The following ZNF844 variants were observed in gnomAD, a reference collection of about 807,000 sequenced individuals.
ZNF844 encodes the protein zinc finger protein 844.
A neutral mutation model predicts 11.4 loss-of-function variants in ZNF844; 11 were observed. The observed-to-expected ratio is 0.97, with a 90% CI of 0.61 to 1.60. The LOEUF is 1.60. ZNF844 is among the 40% of genes most tolerant of loss of function. The pLI is 0.00. For synonymous variants in ZNF844, 248 were observed against 260.3 expected (o/e 0.95, Z 0.46); for missense variants, 790 against 796.8 (o/e 0.99, Z 0.10).
Position 12,078,478 on chromosome 19 carries a change from A to G in ZNF844, c.*1357A>G, listed in dbSNP as rs547661115. The stretch of plus-strand genomic sequence containing the variant: ...AGCCATAATAAAATATCTCAGTGCC[A>G]TCATGCATTAGATCAAGTTTATGTT... On this transcript the variant is annotated 3_prime_UTR_variant, in exon 4 of 4. Transcript: ENST00000439326. 2.6e-5 allele frequency: 4 copies of G among 152,196 alleles called. No individual in the cohort carries two copies. Among genetic ancestry groups the G allele is most frequent in the Non-Finnish European group, 4.4e-5 (3 of 68,042 alleles). 9.4% of individuals were successfully genotyped at this position (152,196 alleles called of 1,614,324 possible).
In ZNF844 at chr19:12,064,977, C is replaced by G. The variant is rs1026026279; in HGVS notation, c.3+101C>G. 21 of 1,336,922 alleles carry G rather than the reference C, an allele frequency of 1.6e-5. No individual in the cohort carries two copies. The African/African-American group carries it at 2.7e-4, about 17-fold the overall frequency. 82.8% of individuals were successfully genotyped at this position (1,336,922 alleles called of 1,614,324 possible). A position where few individuals can be genotyped will look rare whatever the true frequency, so the allele number is the denominator to read the frequency against. ...CGGCTGTGCCGGGACCCGGACCTCC[C>G]CGCGGCGACTCGAGGTCTGGGGCCC... is the stretch of plus-strand genomic sequence containing the variant. On this transcript the variant is annotated intron_variant, in intron 1 of 3. Coordinates refer to ENST00000439326, the MANE Select transcript of ZNF844 (RefSeq NM_001136501.3).
intron 1 of ZNF844, 64 bp from the exon 2 acceptor site, chr19:12,073,967 A>AG (rs1975778677): frequency 1.9e-6 from 3 of 1,541,054 alleles, no homozygotes; most frequent in Non-Finnish European, 2.6e-6. Context: ...TCTTAGGAAG[A>AG]GGGTATAGAC....
chr19:12,075,420 A>C lies in ZNF844; in HGVS notation c.300A>C (p.Val100=). ...TGAACAAAAAAACTTCTCCTGGAGTAAAATCATGTGAAAGCAGTGTGTGTG... is the reference window on the plus strand; with the variant it reads ...TGAACAAAAAAACTTCTCCTGGAGTCAAATCATGTGAAAGCAGTGTGTGTG... ...DTLNKKTSPG[V]KSCESSVCGE... is the part of the protein sequence containing the mutation. The change falls in exon 4 of 4, where the codon GTA becomes GTC. Residue 100 remains valine (V), a synonymous_variant. Coordinates refer to ENST00000439326, the MANE Select transcript of ZNF844 (RefSeq NM_001136501.3). The C allele has an allele frequency of 6.2e-7, 1 of 1,608,598 alleles. No individual in the cohort carries two copies. The highest frequency in any genetic ancestry group is 8.5e-7 in the Non-Finnish European group (1 of 1,177,912).
At position 12,077,880 on chromosome 19, in the gene ZNF844, G is replaced by A. The variant is rs1005545632; in HGVS notation, c.*759G>A. ...GTCTCGCTCTGTCACCCAGGCTGGA[G>A]TGCAGTGGCGTGATCTCAGCTCACT... On this transcript the variant is annotated 3_prime_UTR_variant, in exon 4 of 4. Coordinates refer to ENST00000439326, the MANE Select transcript of ZNF844 (RefSeq NM_001136501.3). 1.1e-5 allele frequency: 3 copies of A among 262,754 alleles called. No homozygotes were observed. In the Admixed American group the frequency reaches 1.5e-4, roughly 13 times the overall value. 16.3% of individuals were successfully genotyped at this position (262,754 alleles called of 1,614,324 possible). A position where few individuals can be genotyped will look rare whatever the true frequency, so the allele number is the denominator to read the frequency against.
intron 1 of ZNF844, among the ~76,000 whole-genome samples, chr19:12,068,851 T>C (rs1975720690): frequency 6.6e-6 from 1 of 152,170 alleles, no homozygotes; most frequent in Non-Finnish European, 1.5e-5. Context: ...ATTTTCTCAT[T>C]GAATCAGACC....
rs554146112 is a variant in ZNF844, at chr19:12,074,098, C to A, written c.71C>A (p.Ser24Tyr). ...TQEEWSLLDP[S>Y]QKNLYREVMQ... ...GAGGAGTGGTCTTTGCTGGATCCTT[C>A]CCAGAAGAATCTCTACAGAGAAGTG... Residue 24 changes from serine (S) to tyrosine (Y), a missense_variant, in exon 2 of 4, where the codon TCC becomes TAC. Around this residue, in one of 3 missense-constraint regions of ZNF844, gnomAD observed 129 missense variants for 144.0 expected, o/e 0.90. Transcript: ENST00000439326. 1 of 1,613,728 alleles carries A rather than the reference C, an allele frequency of 6.2e-7. No individual in the cohort carries two copies. Among genetic ancestry groups the A allele is most frequent in the South Asian group, 1.1e-5 (1 of 91,054 alleles).
At position 12,075,639 on chromosome 19, in the gene ZNF844, ATG is replaced by A. The variant is rs1464368712; in HGVS notation, c.522_523del (p.Cys174TrpfsTer24). ...GAGAAAAACTCTATGATTGTAAAGA[ATG>A]TGGAAAAACCTTCATATCCCATTCA... The part of the protein sequence containing the change: ...TGEKLYDCKE[C>X]GKTFISHSSI... On this transcript the variant is annotated frameshift_variant, in exon 4 of 4. Transcript: ENST00000439326. LOFTEE classifies it low-confidence loss of function (END_TRUNC). 1.2e-6 allele frequency: 2 copies of A among 1,612,410 alleles called. No individual in the cohort carries two copies. Among genetic ancestry groups the A allele is most frequent in the Non-Finnish European group, 1.7e-6 (2 of 1,179,608 alleles).
Position 12,076,959 on chromosome 19 carries a change from T to A in ZNF844, c.1839T>A (p.Pro613=). ...YMQEHTLERN[P]MNVRNAEKRS... Reference sequence around the variant, plus strand: ...AAGAACACACCCTGGAGAGAAACCCTATGAATGTAAGGAATGCGGAAAAGC... The same window carrying A: ...AAGAACACACCCTGGAGAGAAACCCAATGAATGTAAGGAATGCGGAAAAGC... Residue 613 remains proline, a synonymous_variant, in exon 4 of 4, where the codon CCT becomes CCA. Coordinates refer to ENST00000439326, the MANE Select transcript of ZNF844 (RefSeq NM_001136501.3). 6.2e-7 allele frequency: 1 copy of A among 1,603,180 alleles called. No individual in the cohort carries two copies. Among genetic ancestry groups the A allele is most frequent in the Non-Finnish European group, 8.5e-7 (1 of 1,174,496 alleles).
At position 12,077,026 on chromosome 19, in the gene ZNF844, A is replaced by G. The variant is rs772475705; in HGVS notation, c.1906A>G (p.Thr636Ala). The part of the protein sequence containing the change: ...FLLCVYTKGC[T>A]LERNHINVRI... The stretch of plus-strand genomic sequence containing the variant: ...TCTTTGCGTATACACAAAAGGATGC[A>G]CACTGGAGAGAAACCATATTAATGT... The change falls in exon 4 of 4, where the codon ACA becomes GCA. Residue 636 changes from threonine to alanine, a missense_variant. Physicochemically the swap from Thr to Ala is moderately conservative, Grantham distance 58. Coordinates refer to ENST00000439326, the MANE Select transcript of ZNF844 (RefSeq NM_001136501.3). The G allele has an allele frequency of 1.9e-6, 3 of 1,596,872 alleles. No individual in the cohort carries two copies. Among genetic ancestry groups the G allele is most frequent in the Non-Finnish European group, 2.6e-6 (3 of 1,170,908 alleles).
rs1975892525 is a variant in ZNF844 at position 12,081,090 on chromosome 19, G to A, written c.*3969G>A. Reference sequence around the variant, plus strand: ...TTAGGTATAATGTCTTTACCAGAGAGCTAATGCAGACTGTCATGGGTGAGA... The same window carrying A: ...TTAGGTATAATGTCTTTACCAGAGAACTAATGCAGACTGTCATGGGTGAGA... On this transcript the variant is annotated 3_prime_UTR_variant, in exon 4 of 4. Transcript: ENST00000439326. The A allele has an allele frequency of 6.6e-6, 1 of 152,214 alleles. No homozygotes were observed. Among genetic ancestry groups the A allele is most frequent in the South Asian group, 2.1e-4 (1 of 4,824 alleles). The allele number at this position is 152,214 out of a possible 1,614,324, so 9.4% of individuals were successfully genotyped here. A position where few individuals can be genotyped will look rare whatever the true frequency, so the allele number is the denominator to read the frequency against.
Position 12,076,972 on chromosome 19 carries a change from A to G in ZNF844, c.1852A>G (p.Asn618Asp). The G allele has an allele frequency of 6.2e-7, 1 of 1,602,758 alleles. No homozygotes were observed. ...GGAGAGAAACCCTATGAATGTAAGG[A>G]ATGCGGAAAAGCGTTCAATTATTTT... ...TLERNPMNVR[N>D]AEKRSIIFLL... Residue 618 changes from asparagine (N) to aspartate (D), a missense_variant, in exon 4 of 4, where the codon AAT becomes GAT. Asn to Asp is a conservative substitution (Grantham distance 23, BLOSUM62 1). Around this residue, in one of 3 missense-constraint regions of ZNF844, gnomAD observed 657 missense variants for 636.2 expected, o/e 1.03. Coordinates refer to ENST00000439326, the MANE Select transcript of ZNF844 (RefSeq NM_001136501.3).
Position 12,076,795 on chromosome 19 carries a change from C to T in ZNF844, c.1675C>T (p.Pro559Ser), listed in dbSNP as rs1339880032. The T allele has an allele frequency of 1.3e-6, 2 of 1,568,822 alleles. No homozygotes were observed. The highest frequency in any genetic ancestry group is 1.2e-5 in the South Asian group (1 of 86,846). ...GAAAAGACACACCCTGGAGAGAAAC[C>T]CTATAAGGAATATGGAAAAGCATTC... ...FMKRHTLERN[P>S]IRNMEKHSTI... is the part of the protein sequence containing the mutation. The change falls in exon 4 of 4, where the codon CCT becomes TCT. Residue 559 changes from proline to serine, a missense_variant. Around this residue, in one of 3 missense-constraint regions of ZNF844, gnomAD observed 657 missense variants for 636.2 expected, o/e 1.03. Transcript: ENST00000439326.
chr19:12,077,413 C>A lies in ZNF844; in HGVS notation c.*292C>A, dbSNP rs990986040. The A allele has an allele frequency of 8.8e-6, 6 of 679,408 alleles. No individual in the cohort carries two copies. The African/African-American group carries it at 8.9e-5, about 10-fold the overall frequency. The allele number at this position is 679,408 out of a possible 1,614,324, so 42.1% of individuals were successfully genotyped here. A position where few individuals can be genotyped will look rare whatever the true frequency, so the allele number is the denominator to read the frequency against. ...AAGCAGTGTGGTAAAGCCTTCATGT[C>A]TTCTACTGCATTTCAGTATCATGAA... On this transcript the variant is annotated 3_prime_UTR_variant, in exon 4 of 4. Coordinates refer to ENST00000439326, the MANE Select transcript of ZNF844 (RefSeq NM_001136501.3).
chr19:12,072,934 T>G (rs937430917), intron 1 of ZNF844, among the ~76,000 whole-genome samples: 16 of 152,218 alleles, frequency 1.1e-4, no homozygotes, highest in African/African-American at 3.6e-4. Flanking sequence ...TTATATTTTC[T>G]GAATATTGAG....
chr19:12,074,889 T>C (rs1039204032), intron 3 of ZNF844, among the ~76,000 whole-genome samples: 1 of 152,198 alleles, frequency 6.6e-6, no homozygotes, highest in African/African-American at 2.4e-5. Context: ...TAAAATAGTC[T>C]ACATGGAAAT....
In ZNF844 at chr19:12,076,695, C is replaced by CA. The variant is rs1975826935; in HGVS notation, c.1576dup (p.Thr526AsnfsTer118). The CA allele has an allele frequency of 6.2e-7, 1 of 1,613,732 alleles. No individual in the cohort carries two copies. The highest frequency in any genetic ancestry group is 8.5e-7 in the Non-Finnish European group (1 of 1,179,982). On this transcript the variant is annotated frameshift_variant, in exon 4 of 4. Transcript: ENST00000439326. LOFTEE classifies it low-confidence loss of function (END_TRUNC). ...ACACCTTCAAATGCATGAAAGGACT[C>CA]ACACTGGAAAGCAACTGTATGAATC...
intron 1 of ZNF844, among the ~76,000 whole-genome samples, chr19:12,065,522 T>A (rs1330348653): frequency 1.3e-5 from 2 of 152,038 alleles, no homozygotes; most frequent in Admixed American, 1.3e-4. Context: ...GTAAAGAAAA[T>A]GTTTGACACG....
intron 1 of ZNF844, among the ~76,000 whole-genome samples, chr19:12,068,287 C>T (rs776009109): frequency 1.3e-5 from 2 of 151,946 alleles, no homozygotes; most frequent in African/African-American, 4.8e-5. Flanking sequence ...TCAGCCTGGG[C>T]GACAGAGCAA....
Position 12,080,282 on chromosome 19 carries a change from A to G in ZNF844, c.*3161A>G, listed in dbSNP as rs556336476. ...GGAGAATGGCGTGAATCCAGGAGGC[A>G]GAGCTTGCAGTGAACCGAGATCGCG... On this transcript the variant is annotated 3_prime_UTR_variant, in exon 4 of 4. Transcript: ENST00000439326. The G allele has an allele frequency of 1.9e-3, 467 of 241,872 alleles. 1 individual carries two copies. Among genetic ancestry groups the G allele is most frequent in the African/African-American group, 0.011 (449 of 41,676 alleles). The allele number at this position is 241,872 out of a possible 1,614,324, so 15.0% of individuals were successfully genotyped here.
Sources: allele counts gnomAD v4.1 joint callset (sites outside exome capture counted in the v4.1 genomes callset), GRCh38; gene constraint gnomAD v4.1.1; regional missense constraint gnomAD v4.1.1; transcripts MANE v1.5; gene names NCBI Gene and HGNC (gene_info 2026-07-23, HGNC 2026-07-21).